The following BMPER variants were observed in gnomAD, a reference collection of about 807,000 sequenced individuals.
The protein encoded by BMPER is BMP-binding endothelial regulator protein.
Under a neutral mutation model 87.3 loss-of-function variants are expected in BMPER, and 45 were observed. That is an observed-to-expected ratio of 0.52 (90% CI 0.41 to 0.66). The LOEUF (loss-of-function observed/expected upper bound fraction) is 0.66. Ranked by LOEUF, BMPER falls within the 30% of genes least tolerant of loss-of-function variation. BMPER has a pLI of 0.00. For missense variants in BMPER, 784 were observed against 867.5 expected (o/e 0.90, Z 1.21); for synonymous variants, 326 against 316.2 (o/e 1.03, Z -0.33).
chr7:33,920,462 A>G (rs1299298857), intron 2 of BMPER, among the ~76,000 whole-genome samples: 9 of 112,796 alleles, frequency 8.0e-5, no homozygotes, highest in East Asian at 2.9e-4. Context: ...GTCTTGCTCT[A>G]TGGCCCAGGC....
intron 6 of BMPER, among the ~76,000 whole-genome samples, chr7:34,003,611 C>A (rs988538173): frequency 6.6e-6 from 1 of 152,004 alleles, no homozygotes; most frequent in Non-Finnish European, 1.5e-5. Context: ...TAGGGCATAT[C>A]TGCTAGTAAT....
intron 13 of BMPER, among the ~76,000 whole-genome samples, chr7:34,101,021 G>A (rs1354582997): frequency 6.6e-6 from 1 of 152,128 alleles, no homozygotes; most frequent in East Asian, 1.9e-4. Flanking sequence ...CAGGCCCCCT[G>A]ATCAGAATCT....
intron 12 of BMPER, among the ~76,000 whole-genome samples, chr7:34,080,465 A>G (rs114312644): frequency 0.011 from 1,616 of 152,308 alleles, 44 homozygotes; most frequent in African/African-American, 0.037. Flanking sequence ...AACATTTTAT[A>G]AGGGGAAAAG....
At chr7:34,039,646 A>G (rs574693824) in intron 6 of BMPER, among the ~76,000 whole-genome samples, 1 of 151,200 alleles carries the variant, frequency 6.6e-6, no homozygotes, top group African/African-American at 2.4e-5. Context: ...ACACACACTT[A>G]TACCACTGTG....
intron 11 of BMPER, among the ~76,000 whole-genome samples, chr7:34,070,264 A>C (rs1485562227): frequency 6.6e-6 from 1 of 152,106 alleles, no homozygotes; most frequent in Non-Finnish European, 1.5e-5. Context: ...AGTTGGATGG[A>C]GGGGCTAATG....
intron 6 of BMPER, among the ~76,000 whole-genome samples, chr7:34,025,143 G>A (rs1787323401): frequency 6.6e-6 from 1 of 152,118 alleles, no homozygotes; most frequent in East Asian, 1.9e-4. Context: ...AAGCTTGAAA[G>A]TGGTTTGTTC....
intron 13 of BMPER, among the ~76,000 whole-genome samples, chr7:34,140,963 C>T (rs1790850450): frequency 1.3e-5 from 2 of 152,144 alleles, no homozygotes; most frequent in African/African-American, 4.8e-5. Context: ...GAGACCCACC[C>T]CCATGGGCCA....
chr7:33,977,906 A>G (rs1278987758), intron 6 of BMPER, among the ~76,000 whole-genome samples: 1 of 152,196 alleles, frequency 6.6e-6, no homozygotes, highest in Non-Finnish European at 1.5e-5. Context: ...ATAAGTATAT[A>G]TGTGTAAGTA....
intron 12 of BMPER, 104 bp from the exon 13 acceptor site, chr7:34,085,652 T>C (rs1052535364): frequency 1.1e-5 from 12 of 1,117,546 alleles, no homozygotes; most frequent in Non-Finnish European, 1.5e-5. Context: ...GTGCTCCTTA[T>C]TGGAGGACAG....
At chr7:33,970,205 C>T (rs1301080726) in intron 4 of BMPER, 124 bp from the exon 5 acceptor site, 2 of 908,664 alleles carry the variant, frequency 2.2e-6, no homozygotes, top group Non-Finnish European at 3.7e-6. Flanking sequence ...TACCTCTCGC[C>T]CTGACACCCA....
chr7:33,986,593 G>T (rs1786017627), intron 6 of BMPER, among the ~76,000 whole-genome samples: 1 of 152,110 alleles, frequency 6.6e-6, no homozygotes, highest in South Asian at 2.1e-4. Flanking sequence ...AATCTGTAGA[G>T]GAAGAGGCTC....
At chr7:33,925,296 C>G (rs1784332894) in intron 2 of BMPER, among the ~76,000 whole-genome samples, 1 of 152,176 alleles carries the variant, frequency 6.6e-6, no homozygotes, top group Non-Finnish European at 1.5e-5. Flanking sequence ...TTTCTTTGTA[C>G]TCTAAACTTT....
In BMPER at chr7:34,107,356, A is replaced by G. The variant is rs573938822; in HGVS notation, c.1745+21264A>G. Among the ~76,000 whole-genome samples the G allele has an allele frequency of 6.6e-5, 10 of 152,310 alleles. No individual in the cohort carries two copies. The South Asian group carries it at 2.1e-3, about 32-fold the overall frequency. ...TCTCAATTGGGAGATGCCAATTTGG[A>G]TGAGCTTATTAACTGAAGAGCATTC... On this transcript the variant is annotated intron_variant, in intron 13 of 14. Coordinates refer to ENST00000649409, the MANE Select transcript of BMPER (RefSeq NM_001365308.1).
At chr7:34,007,371 T>C (rs1786762795) in intron 6 of BMPER, among the ~76,000 whole-genome samples, 1 of 152,060 alleles carries the variant, frequency 6.6e-6, no homozygotes, top group South Asian at 2.1e-4. Context: ...ATTCCTAAGC[T>C]GCAAGATAAT....
chr7:33,959,151 T>G (rs2128615655), intron 3 of BMPER, among the ~76,000 whole-genome samples: 1 of 152,352 alleles, frequency 6.6e-6, no homozygotes, highest in East Asian at 1.9e-4. Flanking sequence ...GTGTATGTCT[T>G]TATTAGCAGT....
At chr7:33,923,833 C>T (rs1298918483) in intron 2 of BMPER, among the ~76,000 whole-genome samples, 4 of 152,034 alleles carry the variant, frequency 2.6e-5, no homozygotes, top group Admixed American at 2.0e-4. Flanking sequence ...GGTGGATCTT[C>T]CTTATCTTTT....
intron 2 of BMPER, among the ~76,000 whole-genome samples, chr7:33,919,923 ATATC>A (rs61007454): frequency 4.8e-4 from 73 of 150,830 alleles, no homozygotes; most frequent in South Asian, 2.1e-3. Flanking sequence ...ATCTGTGTAC[ATATC>A]TATCTATCTA....
rs576785439 is a variant in BMPER at position 33,994,546 on chromosome 7, G to A, written c.576+19762G>A. Among the ~76,000 whole-genome samples the A allele has an allele frequency of 6.0e-3, 919 of 152,296 alleles. 5 individuals carry two copies. Among genetic ancestry groups the A allele is most frequent in the African/African-American group, 0.021 (864 of 41,566 alleles). ...GGCGCTCCCTAGTGAGATGAACCCG[G>A]TGCCTCAGATGGAAATGCAGAAATC... On this transcript the variant is annotated intron_variant, in intron 6 of 14. Coordinates refer to ENST00000649409, the MANE Select transcript of BMPER (RefSeq NM_001365308.1).
rs574502471 is a variant in BMPER at position 34,075,740 on chromosome 7, G to A, written c.1079-3117G>A. Reference sequence around the variant, plus strand: ...GAAGCTCATTTCACTGGGTCCACTGGAAAAAATTATATGAGGATGCTGTGT... The same window carrying A: ...GAAGCTCATTTCACTGGGTCCACTGAAAAAAATTATATGAGGATGCTGTGT... On this transcript the variant is annotated intron_variant, in intron 11 of 14. Coordinates refer to ENST00000649409, the MANE Select transcript of BMPER (RefSeq NM_001365308.1). Among the ~76,000 whole-genome samples, 4 of 152,260 alleles carry A rather than the reference G, an allele frequency of 2.6e-5. No homozygotes were observed. The South Asian group carries it at 8.3e-4, about 32-fold the overall frequency.
Sources: allele counts gnomAD v4.1 joint callset (sites outside exome capture counted in the v4.1 genomes callset), GRCh38; gene constraint gnomAD v4.1.1; transcripts MANE v1.5; gene names NCBI Gene and HGNC (gene_info 2026-07-23, HGNC 2026-07-21).